Variants in UQCC1 observed in about 807,000 individuals in gnomAD.
UQCC1 encodes ubiquinol-cytochrome c reductase complex assembly factor 1.
Under a neutral mutation model 48.0 loss-of-function variants are expected in UQCC1, and 38 were observed. That is an observed-to-expected ratio of 0.79 (90% CI 0.61 to 1.04). UQCC1 has a LOEUF of 1.04. Ranked by LOEUF, UQCC1 falls within the 50% of genes least tolerant of loss-of-function variation. The probability of loss-of-function intolerance (pLI) is 0.00; values close to 1 mark genes in which losing one functional copy is unlikely to be tolerated. For synonymous variants in UQCC1, 111 were observed against 129.2 expected, an observed-to-expected ratio of 0.86 and a Z score of 0.95; for missense variants, 368 against 381.8, an observed-to-expected ratio of 0.96 and a Z score of 0.30.
intron 1 of UQCC1, among the ~76,000 whole-genome samples, chr20:35,396,284 CTT>C (rs34830667): frequency 1.1e-4 from 10 of 94,396 alleles, no homozygotes; most frequent in African/African-American, 1.6e-4. Flanking sequence ...TGTGCCTGGC[CTT>C]TTTTTTTTTT....
At chr20:35,361,617 T>G (rs2061606434) in intron 6 of UQCC1, among the ~76,000 whole-genome samples, 1 of 152,240 alleles carries the variant, frequency 6.6e-6, no homozygotes, top group Non-Finnish European at 1.5e-5. Context: ...AATTAGTTAC[T>G]TTAGTAGTTA....
At chr20:35,382,512 CTTTTTTTTT>C (rs1162371421) in intron 3 of UQCC1, among the ~76,000 whole-genome samples, 1 of 108,284 alleles carries the variant, frequency 9.2e-6, no homozygotes, top group African/African-American at 3.9e-5. Flanking sequence ...TTTCTTTTTT[CTTTTTTTTT>C]TTTTTTTTTG....
At chr20:35,304,167 G>A (rs1204384324) in intron 9 of UQCC1, 98 bp from the exon 10 acceptor site, 1 of 1,534,668 alleles carries the variant, frequency 6.5e-7, no homozygotes, top group South Asian at 1.2e-5. Context: ...GGAAGGAAGG[G>A]GACGGGGCAT....
intron 2 of UQCC1, among the ~76,000 whole-genome samples, chr20:35,387,015 G>A (rs147995397): frequency 0.013 from 1,946 of 152,004 alleles, 44 homozygotes; most frequent in African/African-American, 0.045. Flanking sequence ...GGTGGCTGAC[G>A]CCTGTAATCC....
intron 7 of UQCC1, among the ~76,000 whole-genome samples, chr20:35,337,389 A>G (rs969742574): frequency 2.0e-5 from 3 of 152,048 alleles, no homozygotes; most frequent in African/African-American, 7.2e-5. Context: ...GGGTTTCACC[A>G]TGTTGGCCAG....
At chr20:35,392,148 G>A (rs1046788182) in intron 2 of UQCC1, 11 of 942,192 alleles carry the variant, frequency 1.2e-5, no homozygotes, top group African/African-American at 6.8e-5. Flanking sequence ...ATGTGAAAAC[G>A]CAGCTCACAC....
intron 7 of UQCC1, among the ~76,000 whole-genome samples, chr20:35,341,879 T>C (rs757142019): frequency 6.6e-6 from 1 of 152,166 alleles, no homozygotes; most frequent in Admixed American, 6.5e-5. Flanking sequence ...ACTGAGTGCT[T>C]ACTAAGTGCC....
At chr20:35,404,278 G>A (rs2062214478) in intron 1 of UQCC1, among the ~76,000 whole-genome samples, 1 of 152,096 alleles carries the variant, frequency 6.6e-6, no homozygotes, top group South Asian at 2.1e-4. Flanking sequence ...GCTGAGGCAG[G>A]AGAATGGCGT....
At position 35,323,126 on chromosome 20, in the gene UQCC1, C is replaced by T. The variant is rs543952665; in HGVS notation, c.574-8361G>A. Reference sequence around the variant, plus strand: ...CCTCCCAAAGTGCTGGGATTGCAGGCGTGAGCCACCGCGCCCGGCCCCAAT... The same window carrying T: ...CCTCCCAAAGTGCTGGGATTGCAGGTGTGAGCCACCGCGCCCGGCCCCAAT... On this transcript the variant is annotated intron_variant, in intron 7 of 9. Transcript: ENST00000374385. Among the ~76,000 whole-genome samples, 12 of 152,300 alleles carry T rather than the reference C, an allele frequency of 7.9e-5. No individual in the cohort carries two copies. In the South Asian group the frequency reaches 1.7e-3, roughly 21 times the overall value.
chr20:35,335,875 G>A (rs2061310160), intron 7 of UQCC1, among the ~76,000 whole-genome samples: 1 of 152,210 alleles, frequency 6.6e-6, no homozygotes, highest in South Asian at 2.1e-4. Flanking sequence ...GGAGAAGCTA[G>A]GACCAACATA....
chr20:35,384,012 A>T, intron 3 of UQCC1, 26 bp downstream of exon 3: 1 of 1,590,184 alleles, frequency 6.3e-7, no homozygotes, highest in Non-Finnish European at 8.6e-7. Flanking sequence ...CACTCTATAA[A>T]CACAGAATGC....
intron 4 of UQCC1, among the ~76,000 whole-genome samples, chr20:35,381,255 A>G (rs1286135058): frequency 6.6e-6 from 1 of 152,196 alleles, no homozygotes; most frequent in African/African-American, 2.4e-5. Flanking sequence ...TAAAAAGATG[A>G]TTAGTAAAAT....
In UQCC1 at chr20:35,304,155, G is replaced by GAGGA; in HGVS notation, c.766-90_766-87dup. 7 of 1,576,472 alleles carry GAGGA rather than the reference G, an allele frequency of 4.4e-6. No individual in the cohort carries two copies. The South Asian group carries it at 7.9e-5, about 18-fold the overall frequency. On this transcript the variant is annotated intron_variant, in intron 9 of 9. Coordinates refer to ENST00000374385, the MANE Select transcript of UQCC1 (RefSeq NM_018244.5). ...CGTCAGGAACCAGCCTCCCAGAGGA[G>GAGGA]AGGAAGGAAGGGGACGGGGCATGAG...
intron 6 of UQCC1, among the ~76,000 whole-genome samples, chr20:35,360,533 C>CTGT (rs1297651473): frequency 6.6e-6 from 1 of 152,194 alleles, no homozygotes; most frequent in Non-Finnish European, 1.5e-5. Context: ...CCCTTCTGAA[C>CTGT]TGTTTTTCCC....
intron 1 of UQCC1, among the ~76,000 whole-genome samples, chr20:35,410,357 C>T (rs893768320): frequency 6.6e-6 from 1 of 151,440 alleles, no homozygotes; most frequent in Non-Finnish European, 1.5e-5. Flanking sequence ...CATGGTGAAA[C>T]TCCATCTCTA....
chr20:35,378,877 TTC>T (rs553559257), intron 4 of UQCC1, among the ~76,000 whole-genome samples: 209 of 152,344 alleles, frequency 1.4e-3, no homozygotes, highest in African/African-American at 4.6e-3. Context: ...CTGGAATACC[TTC>T]TTTTTTTCAC....
chr20:35,329,999 T>C (rs553624938), intron 7 of UQCC1, among the ~76,000 whole-genome samples: 2 of 152,346 alleles, frequency 1.3e-5, no homozygotes, highest in African/African-American at 4.8e-5. Context: ...AAGTATAGAA[T>C]TGATTCTAAG....
Position 35,304,130 on chromosome 20 carries a change from C to CGTCAGGAACCA in UQCC1, c.766-72_766-62dup. 3 of 1,605,258 alleles carry CGTCAGGAACCA rather than the reference C, an allele frequency of 1.9e-6. No homozygotes were observed. The Middle Eastern group carries it at 5.0e-4, about 270-fold the overall frequency. The stretch of plus-strand genomic sequence containing the variant: ...AGGCAGGGCAGAGGTGAGGAGCCAG[C>CGTCAGGAACCA]GTCAGGAACCAGCCTCCCAGAGGAG... On this transcript the variant is annotated intron_variant, in intron 9 of 9. Coordinates refer to ENST00000374385, the MANE Select transcript of UQCC1 (RefSeq NM_018244.5).
At chr20:35,380,995 A>G (rs1331555850) in intron 4 of UQCC1, among the ~76,000 whole-genome samples, 2 of 151,922 alleles carry the variant, frequency 1.3e-5, no homozygotes, top group African/African-American at 2.4e-5. Flanking sequence ...GGGATGCTCA[A>G]CCTGTTCTAG....
Sources: allele counts gnomAD v4.1 joint callset (sites outside exome capture counted in the v4.1 genomes callset), GRCh38; gene constraint gnomAD v4.1.1; transcripts MANE v1.5; gene names NCBI Gene and HGNC (gene_info 2026-07-23, HGNC 2026-07-21).